ADGRV1: variants seen among roughly 807,000 people sequenced by gnomAD.
The protein encoded by ADGRV1 is G-protein coupled receptor 98.
ADGRV1 carries 359 observed loss-of-function variants against 596.2 expected under a neutral mutation model. The ratio of observed to expected loss-of-function variants is 0.60; its 90% CI spans 0.55 to 0.66. The LOEUF (loss-of-function observed/expected upper bound fraction) is 0.66, where lower values mean the gene tolerates loss of function less well. Among genes scored for constraint, ADGRV1 ranks in the 30% least tolerant of loss-of-function variants. ADGRV1 has a pLI of 0.00. For synonymous variants in ADGRV1, 2,681 were observed against 2,679.2 expected (o/e 1.00, Z -0.02); for missense variants, 7,274 against 7,575.6 (o/e 0.96, Z 1.48).
chr5:91,113,613 A>G (rs1792576145), intron 87 of ADGRV1, among the ~76,000 whole-genome samples: 1 of 152,144 alleles, frequency 6.6e-6, no homozygotes, highest in South Asian at 2.1e-4. Flanking sequence ...ATCCTAGCAT[A>G]TTGTATGATT....
intron 83 of ADGRV1, among the ~76,000 whole-genome samples, chr5:90,884,501 G>A (rs1770097550): frequency 6.6e-6 from 1 of 152,102 alleles, no homozygotes; most frequent in South Asian, 2.1e-4. Flanking sequence ...TTCAAGAGCT[G>A]CTACATTTTT....
intron 9 of ADGRV1, among the ~76,000 whole-genome samples, chr5:90,634,206 A>C (rs1765854108): frequency 6.6e-6 from 1 of 152,210 alleles, no homozygotes; most frequent in Admixed American, 6.5e-5. Flanking sequence ...TAGGTTTTGA[A>C]AAGTTAGAAT....
At chr5:91,085,557 A>G (rs1015504017) in intron 86 of ADGRV1, among the ~76,000 whole-genome samples, 11 of 152,120 alleles carry the variant, frequency 7.2e-5, no homozygotes, top group African/African-American at 2.4e-4. Context: ...ATGTTCTCTG[A>G]TCATTTCTCT....
intron 83 of ADGRV1, among the ~76,000 whole-genome samples, chr5:90,931,554 G>A (rs1175734023): frequency 1.3e-5 from 2 of 151,970 alleles, no homozygotes; most frequent in Admixed American, 1.3e-4. Flanking sequence ...AATTCTACCT[G>A]GAAGTCAGCA....
In ADGRV1 at chr5:90,658,127, A is replaced by C. The variant is rs1358470433; in HGVS notation, c.4601A>C (p.Asp1534Ala). 12 of 1,613,710 alleles carry C rather than the reference A, an allele frequency of 7.4e-6. No homozygotes were observed. Among genetic ancestry groups the C allele is most frequent in the Non-Finnish European group, 1.0e-5 (12 of 1,179,768 alleles). The change falls in exon 21 of 90, where the codon GAC becomes GCC. Residue 1534 changes from aspartate to alanine, a missense_variant. Coordinates refer to ENST00000405460, the MANE Select transcript of ADGRV1 (RefSeq NM_032119.4). Reference sequence around the variant, plus strand: ...ATTATTTCTGCAAGAGATGACAATGACGAGGAAGGAGAAGAATTATTCATT... The same window carrying C: ...ATTATTTCTGCAAGAGATGACAATGCCGAGGAAGGAGAAGAATTATTCATT... ...SFIISARDDN[D>A]EEGEELFILK...
intron 85 of ADGRV1, among the ~76,000 whole-genome samples, chr5:90,993,376 C>T (rs540070370): frequency 4.7e-4 from 71 of 152,044 alleles, no homozygotes; most frequent in Admixed American, 7.2e-4. Context: ...CCAGGCTGGT[C>T]TCGAACTCCT....
intron 87 of ADGRV1, among the ~76,000 whole-genome samples, chr5:91,129,394 G>A (rs1450040819): frequency 6.6e-6 from 1 of 152,158 alleles, no homozygotes; most frequent in Non-Finnish European, 1.5e-5. Flanking sequence ...TTCACCACTA[G>A]TTTAATGATG....
intron 85 of ADGRV1, among the ~76,000 whole-genome samples, chr5:91,070,123 G>C (rs936159774): frequency 3.3e-5 from 5 of 152,146 alleles, no homozygotes; most frequent in East Asian, 1.9e-4. Context: ...GGGATGGAGG[G>C]GGGCAAGGAT....
chr5:90,633,090 AAG>A (rs1176078967), intron 9 of ADGRV1, among the ~76,000 whole-genome samples: 1 of 152,190 alleles, frequency 6.6e-6, no homozygotes, highest in East Asian at 1.9e-4. Context: ...AGCTTTTGGC[AAG>A]CATGGGGTTA....
intron 87 of ADGRV1, among the ~76,000 whole-genome samples, chr5:91,103,443 G>A (rs1330658533): frequency 6.6e-6 from 1 of 150,544 alleles, no homozygotes; most frequent in Non-Finnish European, 1.5e-5. Flanking sequence ...TGTAAAGAGA[G>A]CATTTTGAGA....
At chr5:90,802,966 T>A in intron 71 of ADGRV1, 84 bp downstream of exon 71, 1 of 1,149,410 alleles carries the variant, frequency 8.7e-7, no homozygotes, top group African/African-American at 1.6e-5. Flanking sequence ...AGAGCTAGAA[T>A]TTCTCATGAG....
At position 90,745,601 on chromosome 5, in the gene ADGRV1, C is replaced by G. The variant is rs1429568200; in HGVS notation, c.10780C>G (p.Leu3594Val). The part of the protein sequence containing the change: ...HSDFIPSSGE[L>V]IFEPGEREAT... ...TGCTTCTTATGGTAGTTCAGGTGAACTGATATTTGAACCTGGTGAGAGAGA... is the reference window on the plus strand; with the variant it reads ...TGCTTCTTATGGTAGTTCAGGTGAAGTGATATTTGAACCTGGTGAGAGAGA... The change falls in exon 52 of 90, where the codon CTG becomes GTG. Residue 3594 changes from leucine (L) to valine (V), a missense_variant. This residue lies in a region of ADGRV1 where 3,643 missense variants were observed against 3,809.2 expected (regional missense o/e 0.96). Coordinates refer to ENST00000405460, the MANE Select transcript of ADGRV1 (RefSeq NM_032119.4). 1 of 1,607,938 alleles carries G rather than the reference C, an allele frequency of 6.2e-7. No homozygotes were observed. The highest frequency in any genetic ancestry group is 1.3e-5 in the African/African-American group (1 of 74,726).
At position 90,739,134 on chromosome 5, in the gene ADGRV1, G is replaced by A. The variant is rs368826557; in HGVS notation, c.10550-5912G>A. Reference sequence around the variant, plus strand: ...AGTCATTGTATTCCTTATTTCTAGCGTTTCTGTTTGTTTTTTTGTTTGTTT... The same window carrying A: ...AGTCATTGTATTCCTTATTTCTAGCATTTCTGTTTGTTTTTTTGTTTGTTT... On this transcript the variant is annotated intron_variant, in intron 50 of 89. Coordinates refer to ENST00000405460, the MANE Select transcript of ADGRV1 (RefSeq NM_032119.4). Among the ~76,000 whole-genome samples the A allele has an allele frequency of 4.7e-4, 71 of 151,374 alleles. 1 individual carries two copies. The highest frequency in any genetic ancestry group is 1.4e-3 in the African/African-American group (58 of 41,266).
At chr5:91,117,479 G>A (rs969375773) in intron 87 of ADGRV1, among the ~76,000 whole-genome samples, 1 of 152,074 alleles carries the variant, frequency 6.6e-6, no homozygotes, top group Non-Finnish European at 1.5e-5. Flanking sequence ...CTGAATGGTA[G>A]GGACTTTTAT....
At position 90,863,793 on chromosome 5, in the gene ADGRV1, C is replaced by T. The variant is rs1767832965; in HGVS notation, c.17792C>T (p.Ala5931Val). Residue 5931 changes from alanine (A) to valine (V), a missense_variant, in exon 83 of 90, where the codon GCC becomes GTC. Ala to Val is a moderately conservative substitution (Grantham distance 64). Around this residue, in one of 5 missense-constraint regions of ADGRV1, gnomAD observed 1,874 missense variants for 1,970.2 expected, o/e 0.95. Transcript: ENST00000405460. ...CLAVLSHIFC[A>V]RYSMFAAKLL... ...GCTGTTCTTTCCCATATCTTCTGTG[C>T]CAGGTACTCCATGTTTGCAGCTAAA... 3 of 1,613,442 alleles carry T rather than the reference C, an allele frequency of 1.9e-6. No homozygotes were observed. The highest frequency in any genetic ancestry group is 2.2e-5 in the East Asian group (1 of 44,874).
Position 90,681,379 on chromosome 5 carries a change from A to G in ADGRV1, c.5589A>G (p.Val1863=). 1 of 1,613,824 alleles carries G rather than the reference A, an allele frequency of 6.2e-7. No individual in the cohort carries two copies. The highest frequency in any genetic ancestry group is 8.5e-7 in the Non-Finnish European group (1 of 1,179,820). ...TIAASDHAHG[V]FEFSPESLFV... ...CAGCCTCTGACCACGCTCATGGCGT[A>G]TTTGAATTTAGCCCTGAGTCACTCT... The change falls in exon 27 of 90, where the codon GTA becomes GTG. Residue 1863 remains valine (V), a synonymous_variant. Coordinates refer to ENST00000405460, the MANE Select transcript of ADGRV1 (RefSeq NM_032119.4).
chr5:90,726,453 G>T (rs763159338), intron 48 of ADGRV1, among the ~76,000 whole-genome samples: 1 of 152,070 alleles, frequency 6.6e-6, no homozygotes, highest in Non-Finnish European at 1.5e-5. Flanking sequence ...AAGACATCCT[G>T]AAAGAATTTT....
chr5:91,161,485 T>C (rs1205258916), intron 89 of ADGRV1, among the ~76,000 whole-genome samples: 1 of 149,888 alleles, frequency 6.7e-6, no homozygotes, highest in Non-Finnish European at 1.5e-5. Context: ...TGTTGCCTGA[T>C]CTTCTGGTTG....
chr5:90,720,541 T>G (rs1750777649), intron 44 of ADGRV1, among the ~76,000 whole-genome samples: 1 of 152,204 alleles, frequency 6.6e-6, no homozygotes, highest in Non-Finnish European at 1.5e-5. Context: ...CAGACTTAAC[T>G]GCTCAAACCA....
Sources: allele counts gnomAD v4.1 joint callset (sites outside exome capture counted in the v4.1 genomes callset), GRCh38; gene constraint gnomAD v4.1.1; regional missense constraint gnomAD v4.1.1; transcripts MANE v1.5; gene names NCBI Gene and HGNC (gene_info 2026-07-23, HGNC 2026-07-21).